Variants in DEUP1 observed in about 807,000 individuals in gnomAD.
DEUP1 encodes the protein deuterosome assembly protein 1, also known as coiled-coil domain containing 67.
DEUP1 carries 82 observed loss-of-function variants against 87.4 expected under a neutral mutation model. The observed-to-expected ratio is 0.94, with a 90% CI of 0.78 to 1.13. The LOEUF is 1.13. DEUP1 is among the 50% of genes most tolerant of loss of function. The pLI is 0.00. For missense variants in DEUP1, 663 were observed against 681.5 expected (o/e 0.97, Z 0.30); for synonymous variants, 214 against 222.7 (o/e 0.96, Z 0.35).
chr11:93,409,005 C>T (rs772150815), intron 12 of DEUP1, among the ~76,000 whole-genome samples: 2 of 152,020 alleles, frequency 1.3e-5, no homozygotes, highest in African/African-American at 2.4e-5. Context: ...TACAGGCCCC[C>T]GCCACTACAC....
chr11:93,405,122 A>G lies in DEUP1; in HGVS notation c.1327-3109A>G, dbSNP rs188213014. ...AAAAGCTTAAACAAAATTTTAACTA[A>G]GCAGCCGACCATCAAGAATTCTGTA... On this transcript the variant is annotated intron_variant, in intron 11 of 13. Transcript: ENST00000298050. 3.9e-4 allele frequency among the ~76,000 whole-genome samples: 59 copies of G among 152,140 alleles called. 1 individual carries two copies. Among genetic ancestry groups the G allele is most frequent in the African/African-American group, 1.4e-3 (57 of 41,562 alleles).
intron 13 of DEUP1, among the ~76,000 whole-genome samples, chr11:93,436,727 T>G (rs1336476350): frequency 6.6e-6 from 1 of 152,122 alleles, no homozygotes; most frequent in Non-Finnish European, 1.5e-5. Flanking sequence ...CCATTCTTCC[T>G]ACCAAAATGA....
At chr11:93,330,457 C>G (rs1363556292), upstream of DEUP1, 1 of 152,766 alleles carries the variant, frequency 6.5e-6, no homozygotes, top group Non-Finnish European at 1.5e-5. Flanking sequence ...ACAGCGAGGT[C>G]GCGCTCGCGC....
At chr11:93,427,499 T>G (rs1393790411) in intron 13 of DEUP1, among the ~76,000 whole-genome samples, 24 of 152,156 alleles carry the variant, frequency 1.6e-4, no homozygotes, top group Admixed American at 6.5e-4. Context: ...GAGTTAAATG[T>G]TAGACCTAAA....
In DEUP1 at chr11:93,388,001, A is replaced by G. The variant is rs556296444; in HGVS notation, c.936-1019A>G. ...TCCTGAATGTTAACATTACAGCAGT[A>G]TATTATACTCTGATATACTTTGTTA... On this transcript the variant is annotated intron_variant, in intron 8 of 13. Coordinates refer to ENST00000298050, the MANE Select transcript of DEUP1 (RefSeq NM_181645.4). Among the ~76,000 whole-genome samples the G allele has an allele frequency of 3.9e-5, 6 of 152,284 alleles. 1 individual carries two copies. In the South Asian group the frequency reaches 8.3e-4, roughly 21 times the overall value.
At chr11:93,368,942 A>G (rs1212975166) in intron 5 of DEUP1, among the ~76,000 whole-genome samples, 1 of 151,972 alleles carries the variant, frequency 6.6e-6, no homozygotes, top group Non-Finnish European at 1.5e-5. Context: ...TCTCAAAAAA[A>G]AGAAAAAAGA....
Position 93,337,527 on chromosome 11 carries a change from C to T in DEUP1, c.29+5239C>T, listed in dbSNP as rs775865255. On this transcript the variant is annotated intron_variant, in intron 2 of 13. Coordinates refer to ENST00000298050, the MANE Select transcript of DEUP1 (RefSeq NM_181645.4). ...CTCCCTCTCTTCATACTTTATTCAC[C>T]TCCCCCCATATACACGTATATTCCT... 1.3e-3 allele frequency among the ~76,000 whole-genome samples: 193 copies of T among 152,200 alleles called. 1 individual carries two copies. The highest frequency in any genetic ancestry group is 1.9e-3 in the Non-Finnish European group (126 of 68,030).
intron 7 of DEUP1, among the ~76,000 whole-genome samples, chr11:93,383,219 T>C (rs1946384616): frequency 6.6e-6 from 1 of 152,208 alleles, no homozygotes; most frequent in African/African-American, 2.4e-5. Flanking sequence ...AACCCAAATG[T>C]CCATCAACTG....
intron 2 of DEUP1, among the ~76,000 whole-genome samples, chr11:93,336,720 G>A (rs550116600): frequency 1.2e-4 from 19 of 152,220 alleles, no homozygotes; most frequent in Non-Finnish European, 2.8e-4. Flanking sequence ...GAATATGCCT[G>A]GATTCGAATG....
In DEUP1 at chr11:93,356,952, G is replaced by T; in HGVS notation, c.206G>T (p.Gly69Val). 6.3e-7 allele frequency: 1 copy of T among 1,588,636 alleles called. No individual in the cohort carries two copies. The highest frequency in any genetic ancestry group is 1.4e-5 in the African/African-American group (1 of 74,054). Residue 69 changes from glycine (G) to valine (V), a missense_variant, in exon 4 of 14, where the codon GGG (glycine) becomes GTG (valine). Gly to Val is a moderately radical substitution (Grantham distance 109). Transcript: ENST00000298050. The part of the protein sequence containing the change: ...TCLDQKGQEV[G>V]LLRQKLDSLE... The stretch of plus-strand genomic sequence containing the variant: ...TAAATTTTATTCTTCATGCAGGTAG[G>T]GTTACTTCGACAGAAATTGGACAGT...
chr11:93,406,987 G>A (rs1947299139), intron 11 of DEUP1, among the ~76,000 whole-genome samples: 1 of 152,056 alleles, frequency 6.6e-6, no homozygotes, highest in Non-Finnish European at 1.5e-5. Context: ...ATATTGAATG[G>A]TTGTGAGTGT....
chr11:93,393,687 A>G (rs1402200305), intron 9 of DEUP1, among the ~76,000 whole-genome samples: 1 of 151,512 alleles, frequency 6.6e-6, no homozygotes, highest in Non-Finnish European at 1.5e-5. Flanking sequence ...ACGGATGATT[A>G]TGTACTTTAA....
intron 7 of DEUP1, 53 bp from the exon 8 acceptor site, chr11:93,385,345 G>A (rs986778943): frequency 6.4e-7 from 1 of 1,561,924 alleles, no homozygotes; most frequent in South Asian, 1.1e-5. Flanking sequence ...TAAATGCATT[G>A]TACGTTATGA....
At chr11:93,367,453 T>A (rs868636920) in intron 5 of DEUP1, among the ~76,000 whole-genome samples, 57 of 152,166 alleles carry the variant, frequency 3.7e-4, no homozygotes, top group African/African-American at 1.3e-3. Context: ...TATAATGAAC[T>A]GTTCCAATTT....
Position 93,407,316 on chromosome 11 carries a change from T to C in DEUP1, c.1327-915T>C, listed in dbSNP as rs538414753. Among the ~76,000 whole-genome samples the C allele has an allele frequency of 1.4e-3, 209 of 152,282 alleles. 1 individual carries two copies. Among genetic ancestry groups the C allele is most frequent in the African/African-American group, 4.7e-3 (196 of 41,580 alleles). ...AGATACACAAATACTTATACAAGTT[T>C]GTAGCCTAGAAACAATAGGCTTTAC... is the stretch of plus-strand genomic sequence containing the variant. On this transcript the variant is annotated intron_variant, in intron 11 of 13. Transcript: ENST00000298050.
chr11:93,389,511 A>G (rs1946702944), intron 9 of DEUP1, among the ~76,000 whole-genome samples: 1 of 151,558 alleles, frequency 6.6e-6, no homozygotes, highest in African/African-American at 2.4e-5. Flanking sequence ...TACCTACCTC[A>G]TAAGTTTGTG....
At chr11:93,331,221 C>G (rs543370962) in intron 1 of DEUP1, among the ~76,000 whole-genome samples, 1 of 152,274 alleles carries the variant, frequency 6.6e-6, no homozygotes, top group Admixed American at 6.5e-5. Context: ...GATGTGAGCT[C>G]GAATCTTCCT....
chr11:93,415,077 C>A lies in DEUP1; in HGVS notation c.1601C>A (p.Thr534Lys). 2 of 1,609,648 alleles carry A rather than the reference C, an allele frequency of 1.2e-6. No individual in the cohort carries two copies. The highest frequency in any genetic ancestry group is 1.7e-6 in the Non-Finnish European group (2 of 1,178,276). ...PPSTFQAKEM[T>K]SPLVSDDDVF... ...TCGACATTTCAAGCCAAAGAAATGA[C>A]AAGTCCTTTGGTTAGTGATGATGAT... The change falls in exon 13 of 14, where the codon ACA becomes AAA. Residue 534 changes from threonine to lysine, a missense_variant. Coordinates refer to ENST00000298050, the MANE Select transcript of DEUP1 (RefSeq NM_181645.4).
intron 4 of DEUP1, among the ~76,000 whole-genome samples, chr11:93,358,952 A>G (rs1945030136): frequency 6.6e-6 from 1 of 152,110 alleles, no homozygotes; most frequent in Admixed American, 6.5e-5. Context: ...TACACTGGGA[A>G]TGCTACATTA....
Sources: gnomAD v4.1 joint callset for allele counts (sites outside exome capture counted in the v4.1 genomes callset) on GRCh38, gnomAD v4.1.1 for gene constraint, MANE v1.5 for transcripts, NCBI Gene and HGNC (gene_info 2026-07-23, HGNC 2026-07-21) for gene names.